The following TANC2 variants were observed in gnomAD, a reference collection of about 807,000 sequenced individuals.
TANC2 encodes tetratricopeptide repeat, ankyrin repeat and coiled-coil containing 2.
Under a neutral mutation model 210.5 loss-of-function variants are expected in TANC2, and 26 were observed. The ratio of observed to expected loss-of-function variants is 0.12; its 90% confidence interval spans 0.09 to 0.17. The LOEUF (loss-of-function observed/expected upper bound fraction) is 0.17, where lower values mean the gene tolerates loss of function less well. TANC2 is among the 10% of genes least tolerant of loss of function. TANC2 has a pLI of 1.00. For missense variants in TANC2, 2,129 were observed against 2,608.9 expected, an observed-to-expected ratio of 0.82 and a Z score of 4.01; for synonymous variants, 931 against 967.1, an observed-to-expected ratio of 0.96 and a Z score of 0.69.
chr17:63,241,023 A>T (rs904705427), intron 8 of TANC2, among the ~76,000 whole-genome samples: 1 of 152,228 alleles, frequency 6.6e-6, no homozygotes, highest in African/African-American at 2.4e-5. Context: ...GAATATATGC[A>T]TGAACCAACC....
In TANC2 at chr17:62,987,930, C is replaced by A. The variant is rs77521622; in HGVS notation, c.-24+21181C>A. Among the ~76,000 whole-genome samples, 172 of 152,082 alleles carry A rather than the reference C, an allele frequency of 1.1e-3. 1 individual carries two copies. The highest frequency in any genetic ancestry group is 4.0e-3 in the African/African-American group (167 of 41,462). On this transcript the variant is annotated intron_variant, in intron 1 of 27. Transcript: ENST00000689528. ...GTTTGCCGTAGACTTAATAGAAATT[C>A]CAGCAGTAACATGATTAAAAAGGCA...
intron 9 of TANC2, among the ~76,000 whole-genome samples, chr17:63,292,583 G>A (rs557733869): frequency 6.6e-5 from 10 of 152,182 alleles, no homozygotes; most frequent in African/African-American, 2.4e-4. Context: ...ACTTTGGGTG[G>A]TAAAAGGAAG....
chr17:63,303,643 T>G (rs767417971), intron 9 of TANC2, among the ~76,000 whole-genome samples: 2 of 152,146 alleles, frequency 1.3e-5, no homozygotes, highest in Non-Finnish European at 2.9e-5. Context: ...TGTTGGCCTG[T>G]CTTGCTAGGT....
rs536774595 is a variant in TANC2, at chr17:63,196,689, C to T, written c.582+2550C>T. Among the ~76,000 whole-genome samples the T allele has an allele frequency of 1.3e-3, 201 of 152,300 alleles. 2 individuals are homozygous for T. The highest frequency in any genetic ancestry group is 4.5e-3 in the African/African-American group (188 of 41,554). The stretch of plus-strand genomic sequence containing the variant: ...TTGTGTTCTAGTTCCAACTCTGCCA[C>T]CTACCATTTTGTAAATTTGGATGTG... On this transcript the variant is annotated intron_variant, in intron 6 of 27. Coordinates refer to ENST00000689528, the Ensembl canonical transcript of TANC2.
In TANC2 at chr17:63,109,378, A is replaced by G. The variant is rs376712034; in HGVS notation, c.322+10021A>G. Among the ~76,000 whole-genome samples the G allele has an allele frequency of 2.6e-5, 4 of 151,674 alleles. No homozygotes were observed. In the South Asian group the frequency reaches 6.2e-4, roughly 24 times the overall value. The stretch of plus-strand genomic sequence containing the variant: ...CATACAGAACAAGAAATTAGTCACT[A>G]ATCTTTTTATTATAAGGGAATACAG... On this transcript the variant is annotated intron_variant, in intron 4 of 27. Transcript: ENST00000689528.
intron 9 of TANC2, among the ~76,000 whole-genome samples, chr17:63,309,824 G>C (rs748680561): frequency 6.6e-6 from 1 of 152,008 alleles, no homozygotes; most frequent in South Asian, 2.1e-4. Context: ...CTAAATCAGC[G>C]TAACACTGAT....
chr17:63,122,045 G>A (rs2038503615), intron 4 of TANC2, among the ~76,000 whole-genome samples: 1 of 152,070 alleles, frequency 6.6e-6, no homozygotes, highest in Non-Finnish European at 1.5e-5. Context: ...AAGAGGCAAG[G>A]ATGAAAAACT....
chr17:63,353,804 G>A (rs185785617), intron 13 of TANC2, among the ~76,000 whole-genome samples: 4 of 152,246 alleles, frequency 2.6e-5, no homozygotes, highest in East Asian at 1.9e-4. Context: ...GGTGAGATGC[G>A]TTGTGTCAAA....
intron 5 of TANC2, among the ~76,000 whole-genome samples, chr17:63,176,016 AT>A: frequency 6.6e-6 from 1 of 152,250 alleles, no homozygotes; most frequent in Non-Finnish European, 1.5e-5. Flanking sequence ...CTGTGTATTT[AT>A]TAGTATAACT....
chr17:63,025,459 A>G (rs935228656), intron 2 of TANC2, among the ~76,000 whole-genome samples: 1 of 152,098 alleles, frequency 6.6e-6, no homozygotes, highest in East Asian at 1.9e-4. Flanking sequence ...AGTGAAGGCT[A>G]TTGAAGAATT....
At chr17:63,304,407 G>A (rs190591317) in intron 9 of TANC2, among the ~76,000 whole-genome samples, 2 of 152,258 alleles carry the variant, frequency 1.3e-5, no homozygotes, top group African/African-American at 4.8e-5. Flanking sequence ...CCTGTGCCTG[G>A]AATTCTCACT....
At chr17:63,018,373 C>A (rs187280884) in intron 2 of TANC2, among the ~76,000 whole-genome samples, 291 of 151,562 alleles carry the variant, frequency 1.9e-3, no homozygotes, top group Admixed American at 5.0e-3. Flanking sequence ...CCCAGCTCCT[C>A]AGGAGGCTGA....
chr17:63,385,799 A>G (rs961548780), intron 15 of TANC2, among the ~76,000 whole-genome samples: 4 of 152,238 alleles, frequency 2.6e-5, no homozygotes, highest in Non-Finnish European at 2.9e-5. Context: ...CCATTTTTAA[A>G]TAATCGAGGA....
chr17:63,095,198 C>T (rs1392970618), intron 3 of TANC2, among the ~76,000 whole-genome samples: 4 of 151,918 alleles, frequency 2.6e-5, no homozygotes, highest in African/African-American at 9.7e-5. Context: ...TCAGTAGAGA[C>T]AGGGTCTTAC....
chr17:63,392,107 C>G (rs192491604), intron 17 of TANC2, among the ~76,000 whole-genome samples: 1 of 152,160 alleles, frequency 6.6e-6, no homozygotes, highest in Non-Finnish European at 1.5e-5. Flanking sequence ...CACTGAGATC[C>G]TCTGGTCTTC....
chr17:63,284,071 A>G (rs190859000), intron 9 of TANC2, among the ~76,000 whole-genome samples: 250 of 152,126 alleles, frequency 1.6e-3, no homozygotes, highest in African/African-American at 5.8e-3. Flanking sequence ...GTCTTTCACC[A>G]TTAGCTATGT....
At chr17:63,098,485 C>CA (rs1491274728) in intron 3 of TANC2, among the ~76,000 whole-genome samples, 29 of 73,592 alleles carry the variant, frequency 3.9e-4, no homozygotes, top group Non-Finnish European at 4.0e-4. Flanking sequence ...CACACATACA[C>CA]TCTCTCTCTC....
chr17:63,143,345 G>A lies in TANC2; in HGVS notation c.323-7925G>A, dbSNP rs149439838. The stretch of plus-strand genomic sequence containing the variant: ...TACATAGTAACATTTCTAGTAGAGA[G>A]TGGGGCCTTTGTTATGTCACATTTT... On this transcript the variant is annotated intron_variant, in intron 4 of 27. Transcript: ENST00000689528. 8.7e-4 allele frequency among the ~76,000 whole-genome samples: 132 copies of A among 152,260 alleles called. 1 individual carries two copies. The highest frequency in any genetic ancestry group is 1.6e-3 in the Non-Finnish European group (109 of 68,008).
At chr17:63,216,358 C>A (rs534739740) in intron 7 of TANC2, among the ~76,000 whole-genome samples, 31 of 152,170 alleles carry the variant, frequency 2.0e-4, no homozygotes, top group African/African-American at 7.5e-4. Context: ...CAGCTCCACA[C>A]ACTTTCATAC....
Sources: allele counts gnomAD v4.1 joint callset (sites outside exome capture counted in the v4.1 genomes callset), GRCh38; gene constraint gnomAD v4.1.1; transcripts MANE v1.5; gene names NCBI Gene and HGNC (gene_info 2026-07-23, HGNC 2026-07-21).